Variants in LMNB1 observed in about 807,000 individuals in gnomAD.
The protein encoded by LMNB1 is lamin-B1.
LMNB1 carries 23 observed loss-of-function variants against 67.1 expected under a neutral mutation model. That is an observed-to-expected ratio of 0.34 (90% CI 0.25 to 0.49). LMNB1 has a LOEUF of 0.49. Among genes scored for constraint, LMNB1 ranks in the 20% least tolerant of loss-of-function variants. The probability of loss-of-function intolerance (pLI) is 0.99; values close to 1 mark genes in which losing one functional copy is unlikely to be tolerated. For missense variants in LMNB1, 634 were observed against 746.5 expected (o/e 0.85, Z 1.76); for synonymous variants, 281 against 282.9 (o/e 0.99, Z 0.07).
chr5:126,824,939 C>G (rs6595740), intron 8 of LMNB1, among the ~76,000 whole-genome samples: 11 of 149,976 alleles, frequency 7.3e-5, no homozygotes, highest in Non-Finnish European at 1.5e-4. Flanking sequence ...CTGCCCGCCT[C>G]GGCCTCCCAA....
intron 9 of LMNB1, among the ~76,000 whole-genome samples, chr5:126,830,191 A>C (rs893980035): frequency 6.6e-6 from 1 of 152,234 alleles, no homozygotes; most frequent in Admixed American, 6.5e-5. Flanking sequence ...GACTGAGCAC[A>C]GAGCTGTGCA....
At chr5:126,812,660 T>C (rs1751606171) in intron 5 of LMNB1, among the ~76,000 whole-genome samples, 1 of 152,192 alleles carries the variant, frequency 6.6e-6, no homozygotes, top group African/African-American at 2.4e-5. Context: ...CGCTTCTATT[T>C]TCCTCAAGGG....
At chr5:126,823,943 T>C (rs761105534) in intron 8 of LMNB1, among the ~76,000 whole-genome samples, 13 of 152,306 alleles carry the variant, frequency 8.5e-5, no homozygotes, top group African/African-American at 2.4e-4. Context: ...GACATTTTAG[T>C]TCAGAGGATT....
chr5:126,795,071 G>A (rs1246115712), intron 1 of LMNB1, among the ~76,000 whole-genome samples: 1 of 148,972 alleles, frequency 6.7e-6, no homozygotes, highest in African/African-American at 2.4e-5. Flanking sequence ...CCCTGTTTAA[G>A]TGGACAATCT....
chr5:126,780,579 A>G (rs746533570), intron 1 of LMNB1, among the ~76,000 whole-genome samples: 49 of 152,246 alleles, frequency 3.2e-4, no homozygotes, highest in Non-Finnish European at 5.6e-4. Context: ...ATGCTAAGGG[A>G]ATAAAAATAA....
At position 126,811,824 on chromosome 5, in the gene LMNB1, G is replaced by T; in HGVS notation, c.865G>T (p.Ala289Ser). The part of the protein sequence containing the change: ...SEMNTSTVNS[A>S]REELMESRMR... ...GATGAATACTTCTACTGTCAACAGT[G>T]CCAGGGAAGAACTGATGGAAAGCCG... The change falls in exon 5 of 11, where the codon GCC (alanine) becomes TCC (serine). Residue 289 changes from alanine (A) to serine (S), a missense_variant. Coordinates refer to ENST00000261366, the MANE Select transcript of LMNB1 (RefSeq NM_005573.4). The T allele has an allele frequency of 6.2e-7, 1 of 1,612,704 alleles. No individual in the cohort carries two copies. The highest frequency in any genetic ancestry group is 8.5e-7 in the Non-Finnish European group (1 of 1,178,792).
chr5:126,793,879 A>G (rs901478796), intron 1 of LMNB1, among the ~76,000 whole-genome samples: 1 of 151,732 alleles, frequency 6.6e-6, no homozygotes, highest in African/African-American at 2.4e-5. Context: ...TCCATCTCCA[A>G]AAAGAAAGAA....
intron 1 of LMNB1, among the ~76,000 whole-genome samples, chr5:126,787,546 A>ATATATATTTTTTTTTTTTTTTTTT: frequency 9.1e-5 from 6 of 65,578 alleles, no homozygotes; most frequent in Non-Finnish European, 1.4e-4. Flanking sequence ...ATATATATAT[A>ATATATATTTTTTTTTTTTTTTTTT]TTTTTTTTTT....
chr5:126,783,365 CTT>C (rs1750679972), intron 1 of LMNB1, among the ~76,000 whole-genome samples: 1 of 8,742 alleles, frequency 1.1e-4, no homozygotes, highest in Admixed American at 8.6e-4. Flanking sequence ...ATTTTTATAA[CTT>C]AAAATATAAG....
At chr5:126,817,643 AT>A (rs1225793511) in intron 5 of LMNB1, among the ~76,000 whole-genome samples, 1 of 152,078 alleles carries the variant, frequency 6.6e-6, no homozygotes, top group Non-Finnish European at 1.5e-5. Flanking sequence ...TTTATCATCC[AT>A]TTACTTATCT....
chr5:126,831,335 C>G (rs1752125229), intron 9 of LMNB1, among the ~76,000 whole-genome samples: 1 of 152,230 alleles, frequency 6.6e-6, no homozygotes, highest in Admixed American at 6.5e-5. Context: ...GCCAGATCAT[C>G]AGGTTAGCCT....
chr5:126,795,397 C>A (rs992502669), intron 1 of LMNB1, among the ~76,000 whole-genome samples: 1 of 152,102 alleles, frequency 6.6e-6, no homozygotes, highest in Non-Finnish European at 1.5e-5. Flanking sequence ...TTTGGCCTCC[C>A]AAAGTGCTAG....
At chr5:126,811,717 T>C in intron 4 of LMNB1, 56 bp from the exon 5 acceptor site, 1 of 1,522,366 alleles carries the variant, frequency 6.6e-7, no homozygotes, top group Non-Finnish European at 9.0e-7. Context: ...TGAATCATGC[T>C]TCCTTTTTTG....
upstream of LMNB1, chr5:126,776,802 G>A (rs1580516878): frequency 6.6e-6 from 1 of 152,378 alleles, no homozygotes; most frequent in East Asian, 1.9e-4. Flanking sequence ...CCCCTCCAAG[G>A]GGTCCCCGCG....
intron 9 of LMNB1, among the ~76,000 whole-genome samples, chr5:126,828,785 T>C (rs531797388): frequency 6.6e-6 from 1 of 150,400 alleles, no homozygotes; most frequent in African/African-American, 2.4e-5. Flanking sequence ...ATGGTCTCAA[T>C]CTCTTGACCT....
chr5:126,817,003 G>A (rs575861485), intron 5 of LMNB1, among the ~76,000 whole-genome samples: 60 of 152,300 alleles, frequency 3.9e-4, no homozygotes, highest in South Asian at 1.0e-3. Context: ...GGACTTAAGC[G>A]CCACATTCTG....
intron 1 of LMNB1, among the ~76,000 whole-genome samples, chr5:126,782,443 T>C (rs972693779): frequency 6.6e-6 from 1 of 152,212 alleles, no homozygotes; most frequent in Non-Finnish European, 1.5e-5. Flanking sequence ...GAAAGACAGA[T>C]TGAAAATAGA....
intron 1 of LMNB1, among the ~76,000 whole-genome samples, chr5:126,787,462 T>C (rs1451299551): frequency 1.4e-5 from 2 of 148,044 alleles, no homozygotes; most frequent in African/African-American, 5.0e-5. Flanking sequence ...ATATAACATA[T>C]ACTTTATGTA....
chr5:126,825,930 C>T (rs933617703), intron 8 of LMNB1, 58 bp from the exon 9 acceptor site: 31 of 1,609,772 alleles, frequency 1.9e-5, no homozygotes, highest in Non-Finnish European at 2.2e-5. Flanking sequence ...GCATTGCTGT[C>T]GTTGGCGTGT....
Sources: gnomAD v4.1 joint callset for allele counts (sites outside exome capture counted in the v4.1 genomes callset) on GRCh38, gnomAD v4.1.1 for gene constraint, MANE v1.5 for transcripts, NCBI Gene and HGNC (gene_info 2026-07-23, HGNC 2026-07-21) for gene names.